The following MINDY4 variants were observed in gnomAD, a reference collection of about 807,000 sequenced individuals.
The protein encoded by MINDY4 is MINDY lysine 48 deubiquitinase 4.
In MINDY4, 68 loss-of-function variants were observed where a neutral mutation model predicts 87.0. The observed-to-expected ratio is 0.78, with a 90% CI of 0.64 to 0.96. MINDY4 has a LOEUF of 0.96. MINDY4 is among the 40% of genes least tolerant of loss of function. The pLI is 0.00. For synonymous variants in MINDY4, 379 were observed against 363.2 expected, an observed-to-expected ratio of 1.04 and a Z score of -0.50; for missense variants, 919 against 928.2, an observed-to-expected ratio of 0.99 and a Z score of 0.13.
At chr7:30,839,492 G>A (rs1212733648) in intron 8 of MINDY4, among the ~76,000 whole-genome samples, 176 bp downstream of exon 8, 1 of 152,222 alleles carries the variant, frequency 6.6e-6, no homozygotes, top group Non-Finnish European at 1.5e-5. Flanking sequence ...GGCTGGTGCA[G>A]CAAGAGCTGG....
At chr7:30,840,310 A>T (rs532881431) in intron 8 of MINDY4, among the ~76,000 whole-genome samples, 1 of 152,254 alleles carries the variant, frequency 6.6e-6, no homozygotes, top group Non-Finnish European at 1.5e-5. Context: ...CGCAGAGCTC[A>T]TGTAACCACA....
chr7:30,856,545 CTG>C lies in MINDY4; in HGVS notation c.1678-2710_1678-2709del, dbSNP rs779023168. Among the ~76,000 whole-genome samples, 129 of 151,890 alleles carry C rather than the reference CTG, an allele frequency of 8.5e-4. 1 individual carries two copies. Among genetic ancestry groups the C allele is most frequent in the Admixed American group, 1.6e-3 (25 of 15,244 alleles). The stretch of plus-strand genomic sequence containing the variant: ...TGGGGTTTACAGTGGGTTTCTGTGT[CTG>C]TTACTTCACTGCAGGTAGGTAGGCG... On this transcript the variant is annotated intron_variant, in intron 12 of 17. Coordinates refer to ENST00000265299, the MANE Select transcript of MINDY4 (RefSeq NM_032222.3).
intron 12 of MINDY4, among the ~76,000 whole-genome samples, chr7:30,857,089 A>G (rs1246283483): frequency 2.6e-5 from 4 of 152,180 alleles, no homozygotes; most frequent in Non-Finnish European, 5.9e-5. Flanking sequence ...TTCCATTCCT[A>G]CTTCCAAAAA....
chr7:30,811,035 G>C (rs147243684), intron 5 of MINDY4, among the ~76,000 whole-genome samples: 2 of 151,772 alleles, frequency 1.3e-5, no homozygotes, highest in Non-Finnish European at 2.9e-5. Context: ...AGAATTTCCA[G>C]TAAACCAGCA....
chr7:30,853,336 AG>A, intron 11 of MINDY4, 57 bp from the exon 12 acceptor site: 1 of 1,432,598 alleles, frequency 7.0e-7, no homozygotes, highest in East Asian at 2.3e-5. Flanking sequence ...AAGCTAATTC[AG>A]GATGGGGCAC....
intron 9 of MINDY4, among the ~76,000 whole-genome samples, chr7:30,841,300 T>A (rs1789029692): frequency 6.6e-6 from 1 of 152,248 alleles, no homozygotes; most frequent in Admixed American, 6.5e-5. Flanking sequence ...CAGTTTCCAT[T>A]TCACACATTA....
At chr7:30,872,371 T>A in intron 14 of MINDY4, 65 bp downstream of exon 14, 2 of 1,382,052 alleles carry the variant, frequency 1.4e-6, no homozygotes, top group Non-Finnish European at 2.0e-6. Context: ...GAGGGAGAGG[T>A]CCTCCTCCCT....
At chr7:30,798,059 G>A (rs539833202) in intron 5 of MINDY4, among the ~76,000 whole-genome samples, 79 of 152,274 alleles carry the variant, frequency 5.2e-4, no homozygotes, top group African/African-American at 1.8e-3. Context: ...ACATCATAGA[G>A]TGTACTTACA....
chr7:30,798,030 C>T (rs145013066), intron 5 of MINDY4, among the ~76,000 whole-genome samples: 62 of 152,270 alleles, frequency 4.1e-4, no homozygotes, highest in African/African-American at 1.4e-3. Context: ...TCTCTCTCCT[C>T]GAGACTGCTG....
intron 15 of MINDY4, among the ~76,000 whole-genome samples, chr7:30,876,108 A>G (rs941175808): frequency 3.9e-5 from 6 of 152,136 alleles, no homozygotes; most frequent in African/African-American, 9.7e-5. Context: ...TCAAGGTGTC[A>G]GAAAGGCCAT....
intron 13 of MINDY4, among the ~76,000 whole-genome samples, chr7:30,865,804 C>T (rs1789916037): frequency 6.6e-6 from 1 of 152,206 alleles, no homozygotes; most frequent in Non-Finnish European, 1.5e-5. Context: ...GCACAGTTGG[C>T]AGCATCACCT....
chr7:30,892,287 G>T lies in MINDY4; in HGVS notation c.*282G>T, dbSNP rs1790812493. The T allele has an allele frequency of 4.5e-6, 2 of 439,740 alleles. No homozygotes were observed. The highest frequency in any genetic ancestry group is 8.2e-6 in the Non-Finnish European group (2 of 244,780). 27.2% of individuals were successfully genotyped at this position (439,740 alleles called of 1,614,324 possible). The stretch of plus-strand genomic sequence containing the variant: ...CTACCTTTGTCTGCATCCCTCCCTT[G>T]CTCCCTGCTGGGTGGTCCCTCACCC... On this transcript the variant is annotated 3_prime_UTR_variant, in exon 18 of 18. Transcript: ENST00000265299.
chr7:30,784,952 G>A (rs1201115346), intron 3 of MINDY4, among the ~76,000 whole-genome samples: 2 of 152,206 alleles, frequency 1.3e-5, no homozygotes, highest in Non-Finnish European at 2.9e-5. Context: ...CTGTGTCACA[G>A]GAGTGCTGGC....
intron 17 of MINDY4, among the ~76,000 whole-genome samples, chr7:30,887,290 C>A (rs1229075313): frequency 5.9e-5 from 9 of 152,326 alleles, no homozygotes; most frequent in East Asian, 1.9e-4. Context: ...GCCCTGCCCC[C>A]CACACACACC....
rs567710671 is a variant in MINDY4 at position 30,785,957 on chromosome 7, G to C, written c.628G>C (p.Gly210Arg). 10 of 1,614,224 alleles carry C rather than the reference G, an allele frequency of 6.2e-6. No homozygotes were observed. In the African/African-American group the frequency reaches 1.3e-4, roughly 22 times the overall value. Residue 210 changes from glycine to arginine, a missense_variant, in exon 4 of 18, where the codon GGC (glycine) becomes CGC (arginine). By Grantham distance (125) the Gly-to-Arg change is moderately radical (BLOSUM62 -2). Transcript: ENST00000265299. ...SRPKSGLIVR[G>R]MMSGPIASSP... ...GCCAAAGTCTGGTCTGATTGTGCGAGGCATGATGTCTGGGCCCATCGCCAG... is the reference window on the plus strand; with the variant it reads ...GCCAAAGTCTGGTCTGATTGTGCGACGCATGATGTCTGGGCCCATCGCCAG...
At chr7:30,876,793 C>T (rs7802207) in intron 15 of MINDY4, among the ~76,000 whole-genome samples, 2 of 152,032 alleles carry the variant, frequency 1.3e-5, no homozygotes, top group Non-Finnish European at 2.9e-5. Flanking sequence ...TTGGAGGGTC[C>T]GGATGAGGCC....
chr7:30,861,764 G>C (rs1415122436), intron 13 of MINDY4, among the ~76,000 whole-genome samples: 1 of 152,244 alleles, frequency 6.6e-6, no homozygotes, highest in Non-Finnish European at 1.5e-5. Flanking sequence ...GTGTCTTCTT[G>C]TGTTTCCTTG....
Position 30,859,293 on chromosome 7 carries a change from C to A in MINDY4, c.1714C>A (p.Leu572Ile). The A allele has an allele frequency of 1.2e-6, 2 of 1,614,184 alleles. No homozygotes were observed. Among genetic ancestry groups the A allele is most frequent in the Non-Finnish European group, 1.7e-6 (2 of 1,180,030 alleles). The change falls in exon 13 of 18, where the codon CTT (leucine) becomes ATT (isoleucine). Residue 572 changes from leucine to isoleucine, a missense_variant. Physicochemically the swap from Leu to Ile is conservative, Grantham distance 5. Transcript: ENST00000265299. ...VGPYGCILLT[L>I]SAILSRSTEL... Reference sequence around the variant, plus strand: ...CCCCTATGGCTGCATCCTGCTCACCCTTTCTGCCATCCTGTCCAGGTCTAC... The same window carrying A: ...CCCCTATGGCTGCATCCTGCTCACCATTTCTGCCATCCTGTCCAGGTCTAC...
intron 7 of MINDY4, 128 bp from the exon 8 acceptor site, chr7:30,839,072 T>C (rs1006500801): frequency 1.7e-6 from 1 of 597,502 alleles, no homozygotes; most frequent in African/African-American, 1.9e-5. Context: ...AGAGAAGAGA[T>C]GAACCATGCT....
Sources: allele counts gnomAD v4.1 joint callset (sites outside exome capture counted in the v4.1 genomes callset), GRCh38; gene constraint gnomAD v4.1.1; transcripts MANE v1.5; gene names NCBI Gene and HGNC (gene_info 2026-07-23, HGNC 2026-07-21).